Variants in XRN1 observed in about 807,000 individuals in gnomAD.
The protein encoded by XRN1 is 5'-3' exoribonuclease 1.
XRN1 carries 67 observed loss-of-function variants against 222.3 expected under a neutral mutation model. That is an observed-to-expected ratio of 0.30 (90% CI 0.25 to 0.37). The LOEUF (loss-of-function observed/expected upper bound fraction) is 0.37, where lower values mean the gene tolerates loss of function less well. Ranked by LOEUF, XRN1 falls within the 10% of genes least tolerant of loss-of-function variation. The probability of loss-of-function intolerance (pLI) is 1.00; values close to 1 mark genes in which losing one functional copy is unlikely to be tolerated. For synonymous variants in XRN1, 643 were observed against 652.4 expected (o/e 0.99, Z 0.22); for missense variants, 1,707 against 2,000.2 (o/e 0.85, Z 2.80).
At chr3:142,430,290 T>G (rs2069466180) in intron 2 of XRN1, among the ~76,000 whole-genome samples, 1 of 152,174 alleles carries the variant, frequency 6.6e-6, no homozygotes, top group Non-Finnish European at 1.5e-5. Flanking sequence ...TTGTCTGAAA[T>G]AGCTAGAGTG....
At position 142,400,445 on chromosome 3, in the gene XRN1, T is replaced by G; in HGVS notation, c.2206A>C (p.Lys736Gln). The change falls in exon 19 of 41, where the codon AAG (lysine) becomes CAG (glutamine). Residue 736 changes from lysine to glutamine, a missense_variant and splice_region_variant. Physicochemically the swap from Lys to Gln is moderately conservative, Grantham distance 53. Coordinates refer to ENST00000392981, the MANE Select transcript of XRN1 (RefSeq NM_001282857.2). ...RVVAVSDGET[K>Q]FYLEEPPGTQ... ...AATTATAAATCAAATCTTACTTACT[T>G]AGTTTCTCCATCTGATACAGCCACG... 1 of 1,596,074 alleles carries G rather than the reference T, an allele frequency of 6.3e-7. No individual in the cohort carries two copies.
rs139608565 is a variant in XRN1 at position 142,405,923 on chromosome 3, C to T, written c.1714-847G>A. Among the ~76,000 whole-genome samples the T allele has an allele frequency of 9.3e-3, 1,415 of 151,610 alleles. 31 individuals carry two copies. The highest frequency in any genetic ancestry group is 0.032 in the African/African-American group (1,319 of 41,332). On this transcript the variant is annotated intron_variant, in intron 15 of 40. Coordinates refer to ENST00000392981, the MANE Select transcript of XRN1 (RefSeq NM_001282857.2). Reference sequence around the variant, plus strand: ...TTATTTAAGGAAGACAGAAAAAAAACGAACAGCCTTAAGGGGAAAGACATT... The same window carrying T: ...TTATTTAAGGAAGACAGAAAAAAAATGAACAGCCTTAAGGGGAAAGACATT...
At chr3:142,423,475 TA>T in intron 6 of XRN1, 84 bp downstream of exon 6, 1 of 1,105,226 alleles carries the variant, frequency 9.0e-7, no homozygotes. Flanking sequence ...CGGAATGAGA[TA>T]AAGTATTTAC....
At chr3:142,364,414 C>T (rs1331408338) in intron 29 of XRN1, among the ~76,000 whole-genome samples, 2 of 152,096 alleles carry the variant, frequency 1.3e-5, no homozygotes, top group African/African-American at 4.8e-5. Flanking sequence ...TATTTAGCTG[C>T]TGCTTCCTTA....
rs542187476 is a variant in XRN1 at position 142,417,384 on chromosome 3, A to T, written c.1347-155T>A. 2.6e-5 allele frequency among the ~76,000 whole-genome samples: 4 copies of T among 152,358 alleles called. No individual in the cohort carries two copies. The South Asian group carries it at 8.3e-4, about 32-fold the overall frequency. Reference sequence around the variant, plus strand: ...TAAAAATTATAATCCTAAAAACTCCAAAATATTTTTAAAAATTACATCCTG... The same window carrying T: ...TAAAAATTATAATCCTAAAAACTCCTAAATATTTTTAAAAATTACATCCTG... On this transcript the variant is annotated intron_variant, in intron 12 of 40. Coordinates refer to ENST00000392981, the MANE Select transcript of XRN1 (RefSeq NM_001282857.2).
Position 142,414,286 on chromosome 3 carries a change from T to G in XRN1, c.1442A>C (p.Tyr481Ser). Residue 481 changes from tyrosine (Y) to serine (S), a missense_variant, in exon 14 of 41, where the codon TAT becomes TCT. Tyr to Ser is a moderately radical substitution (Grantham distance 144, BLOSUM62 -2). Around this residue, in one of 2 missense-constraint regions of XRN1, gnomAD observed 1,234 missense variants for 1,518.2 expected, o/e 0.81. Transcript: ENST00000392981. ...CAGGAAAGGTGCATAATGATAAGGA[T>G]AATACCTATAAAACAAAACTGAGTT... ...YHGVQSWSWY[Y>S]PYHYAPFLSD... The G allele has an allele frequency of 6.3e-7, 1 of 1,581,044 alleles. No homozygotes were observed.
rs926877303 is a variant in XRN1, at chr3:142,447,773, G to A, written c.75+97C>T. The A allele has an allele frequency of 5.1e-6, 7 of 1,375,922 alleles. No individual in the cohort carries two copies. Among genetic ancestry groups the A allele is most frequent in the African/African-American group, 4.4e-5 (3 of 68,548 alleles). The allele number at this position is 1,375,922 out of a possible 1,614,324, so 85.2% of individuals were successfully genotyped here. Reference sequence around the variant, plus strand: ...TGCCACTAATCGTCCAGACGACGAGGGGAAAGAGGTGGCTCGAAAGCCCCA... The same window carrying A: ...TGCCACTAATCGTCCAGACGACGAGAGGAAAGAGGTGGCTCGAAAGCCCCA... On this transcript the variant is annotated intron_variant, in intron 1 of 40. Coordinates refer to ENST00000392981, the MANE Select transcript of XRN1 (RefSeq NM_001282857.2). The surrounding 1 kb of genome is among the most constrained non-coding windows in gnomAD (Gnocchi z 4.2).
intron 15 of XRN1, among the ~76,000 whole-genome samples, chr3:142,411,984 G>A (rs980834939): frequency 5.9e-5 from 9 of 151,864 alleles, no homozygotes; most frequent in African/African-American, 2.2e-4. Context: ...CACCTTGCCC[G>A]GCTAATTTTT....
At chr3:142,352,283 C>T (rs1052658863) in intron 32 of XRN1, among the ~76,000 whole-genome samples, 4 of 152,182 alleles carry the variant, frequency 2.6e-5, no homozygotes, top group Middle Eastern at 3.4e-3. Context: ...CAGTTTATAC[C>T]CTGAAGCAGT....
intron 20 of XRN1, among the ~76,000 whole-genome samples, chr3:142,388,803 C>A (rs1377324746): frequency 6.6e-6 from 1 of 152,234 alleles, no homozygotes; most frequent in Non-Finnish European, 1.5e-5. Context: ...TGCTTTTCAA[C>A]TAAATTTATG....
chr3:142,432,708 A>C lies in XRN1; in HGVS notation c.261T>G (p.Gly87=), dbSNP rs578043666. ...PRKVFFMAVD[G]VAPRAKMNQQ... The stretch of plus-strand genomic sequence containing the variant: ...GGTTCATTTTTGCTCGAGGAGCCAC[A>C]CCATCTACAGCCATAAAGAACACTT... The change falls in exon 2 of 41, where the codon GGT becomes GGG. Residue 87 remains glycine, a synonymous_variant. Coordinates refer to ENST00000392981, the MANE Select transcript of XRN1 (RefSeq NM_001282857.2). The C allele has an allele frequency of 1.1e-5, 18 of 1,612,604 alleles. No individual in the cohort carries two copies. The highest frequency in any genetic ancestry group is 1.4e-5 in the Non-Finnish European group (17 of 1,179,260).
intron 39 of XRN1, among the ~76,000 whole-genome samples, chr3:142,318,113 T>C (rs1418430676): frequency 6.6e-6 from 1 of 152,200 alleles, no homozygotes; most frequent in Non-Finnish European, 1.5e-5. Context: ...AGGGATTTTC[T>C]AAACTTAAAT....
rs2070599043 is a variant in XRN1 at position 142,447,858 on chromosome 3, T to C, written c.75+12A>G. 1 of 1,612,920 alleles carries C rather than the reference T, an allele frequency of 6.2e-7. No homozygotes were observed. On this transcript the variant is annotated intron_variant, in intron 1 of 40. Transcript: ENST00000392981. This position sits in a 1 kb window ranked among gnomAD's most constrained non-coding sequence, Gnocchi z 4.2. The stretch of plus-strand genomic sequence containing the variant: ...CCTCGGCTTTCTGAGCCGTTGCCCC[T>C]CGCTCACCCACCTGATGCTCTTTCA...
rs1165504374 is a variant in XRN1 at position 142,309,396 on chromosome 3, G to GT, written c.*2114dup. On this transcript the variant is annotated 3_prime_UTR_variant, in exon 41 of 41. Coordinates refer to ENST00000392981, the MANE Select transcript of XRN1 (RefSeq NM_001282857.2). ...GTGCCATCACGCCCGGCTAATTTTT[G>GT]TATTTTTAGTAGAGACAGGGCTTCA... The GT allele has an allele frequency of 6.6e-6, 1 of 152,074 alleles. No homozygotes were observed. Among genetic ancestry groups the GT allele is most frequent in the East Asian group, 1.9e-4 (1 of 5,172 alleles). The allele number at this position is 152,074 out of a possible 1,614,324, so 9.4% of individuals were successfully genotyped here. A position where few individuals can be genotyped will look rare whatever the true frequency, so the allele number is the denominator to read the frequency against.
rs538935923 is a variant in XRN1, at chr3:142,344,122, T to C, written c.3877+3112A>G. ...GGGGGGGAGGGGTGGGAAGTGGGGA[T>C]GGTTAGCAGGTACAAAAAAATAGAT... On this transcript the variant is annotated intron_variant, in intron 33 of 40. Coordinates refer to ENST00000392981, the MANE Select transcript of XRN1 (RefSeq NM_001282857.2). 9.9e-4 allele frequency among the ~76,000 whole-genome samples: 150 copies of C among 151,882 alleles called. 1 individual carries two copies. Among genetic ancestry groups the C allele is most frequent in the African/African-American group, 3.4e-3 (141 of 41,468 alleles).
chr3:142,388,221 G>T (rs2067580505), intron 20 of XRN1, among the ~76,000 whole-genome samples: 1 of 152,078 alleles, frequency 6.6e-6, no homozygotes, highest in Non-Finnish European at 1.5e-5. Context: ...TCAACATGAA[G>T]ACGAAGATGA....
chr3:142,369,125 A>C (rs1270407907), intron 27 of XRN1, among the ~76,000 whole-genome samples: 1 of 152,232 alleles, frequency 6.6e-6, no homozygotes, highest in Non-Finnish European at 1.5e-5. Flanking sequence ...AGTTCGAACA[A>C]GAGAATGCTG....
At position 142,333,087 on chromosome 3, in the gene XRN1, A is replaced by G. The variant is rs1174504112; in HGVS notation, c.3942T>C (p.Pro1314=). 2 of 1,610,816 alleles carry G rather than the reference A, an allele frequency of 1.2e-6. No individual in the cohort carries two copies. The highest frequency in any genetic ancestry group is 2.7e-5 in the African/African-American group (2 of 74,680). Residue 1314 remains proline, a splice_region_variant and synonymous_variant, in exon 35 of 41, where the codon CCT becomes CCC. Transcript: ENST00000392981. ...CWSQKMSNKQ[P]NSGIENFLAS... ...CTAAAAAGTTCTCAATTCCAGAGTT[A>G]GGCTAAAAGAATAAATATTTTGGGC... is the stretch of plus-strand genomic sequence containing the variant.
chr3:142,364,518 A>G (rs1342188674), intron 29 of XRN1, among the ~76,000 whole-genome samples: 1 of 152,142 alleles, frequency 6.6e-6, no homozygotes, highest in Non-Finnish European at 1.5e-5. Context: ...GTTGTGCAAC[A>G]GATTGATAGG....
Sources: allele counts gnomAD v4.1 joint callset (sites outside exome capture counted in the v4.1 genomes callset), GRCh38; gene constraint gnomAD v4.1.1; regional missense constraint gnomAD v4.1.1; non-coding constraint Gnocchi (gnomAD v3.1); transcripts MANE v1.5; gene names NCBI Gene and HGNC (gene_info 2026-07-23, HGNC 2026-07-21).